ESRRB: variants seen among roughly 807,000 people sequenced by gnomAD.
The protein encoded by ESRRB is steroid hormone receptor ERR2.
A neutral mutation model predicts 46.0 loss-of-function variants in ESRRB; 16 were observed. That is an observed-to-expected ratio of 0.35 (90% confidence interval 0.24 to 0.53). The LOEUF (loss-of-function observed/expected upper bound fraction) is 0.53, where lower values mean the gene tolerates loss of function less well. ESRRB is among the 20% of genes least tolerant of loss of function. The probability of loss-of-function intolerance (pLI) is 0.93; values close to 1 mark genes in which losing one functional copy is unlikely to be tolerated. For missense variants in ESRRB, 488 were observed against 607.4 expected (o/e 0.80, Z 2.07); for synonymous variants, 246 against 259.6 (o/e 0.95, Z 0.50).
At chr14:76,491,325 G>T in intron 5 of ESRRB, 122 bp from the exon 6 acceptor site, 1 of 916,574 alleles carries the variant, frequency 1.1e-6, no homozygotes, top group East Asian at 2.6e-5. Context: ...CAGGATCCAG[G>T]GGTGCCAGGG....
chr14:76,376,743 G>T lies in ESRRB; in HGVS notation c.50+292G>T, dbSNP rs1273233326. Among the ~76,000 whole-genome samples the T allele has an allele frequency of 6.6e-6, 1 of 152,122 alleles. No homozygotes were observed. The highest frequency in any genetic ancestry group is 1.5e-5 in the Non-Finnish European group (1 of 68,020). ...TCTCTCCTCTCTGATCTTGCTCCGG[G>T]GTGAGAAAATATTTGAGTTTTTGTG... On this transcript the variant is annotated intron_variant, in intron 1 of 6. Coordinates refer to ENST00000644823, the MANE Select transcript of ESRRB (RefSeq NM_001379180.1). The surrounding 1 kb of genome is among the most constrained non-coding windows in gnomAD (Gnocchi z 4.1).
intron 6 of ESRRB, among the ~76,000 whole-genome samples, chr14:76,496,722 G>A (rs902622150): frequency 3.3e-5 from 5 of 152,206 alleles, no homozygotes; most frequent in Admixed American, 6.5e-5. Flanking sequence ...GGGTGCCACT[G>A]CTGAGGCTCA....
chr14:76,429,849 A>ATGTGTG (rs58340334), intron 1 of ESRRB, among the ~76,000 whole-genome samples: 26 of 150,294 alleles, frequency 1.7e-4, no homozygotes, highest in Non-Finnish European at 2.8e-4. Flanking sequence ...TTTAAGTTTT[A>ATGTGTG]TGTGTGTGTG....
chr14:76,495,756 A>T (rs945681683), intron 6 of ESRRB, among the ~76,000 whole-genome samples: 1 of 152,166 alleles, frequency 6.6e-6, no homozygotes, highest in Non-Finnish European at 1.5e-5. Context: ...ATAAATTATT[A>T]AAAAAATGAA....
rs1207603998 is a variant in ESRRB at position 76,439,470 on chromosome 14, C to T, written c.180C>T (p.Ser60=). 2.5e-6 allele frequency: 4 copies of T among 1,612,382 alleles called. No individual in the cohort carries two copies. The highest frequency in any genetic ancestry group is 1.3e-5 in the African/African-American group (1 of 74,942). ...ALSHHSPSGS[S]DASGGFGLAL... ...GCCACCACAGCCCCAGTGGCTCGTCCGACGCCAGCGGCGGCTTTGGCCTGG... is the reference window on the plus strand; with the variant it reads ...GCCACCACAGCCCCAGTGGCTCGTCTGACGCCAGCGGCGGCTTTGGCCTGG... The change falls in exon 2 of 7, where the codon TCC becomes TCT. Residue 60 remains serine, a synonymous_variant. Transcript: ENST00000644823.
At position 76,482,614 on chromosome 14, in the gene ESRRB, A is replaced by AT; in HGVS notation, c.706dup (p.Tyr236LeufsTer6). 1 of 1,613,958 alleles carries AT rather than the reference A, an allele frequency of 6.2e-7. No individual in the cohort carries two copies. The highest frequency in any genetic ancestry group is 8.5e-7 in the Non-Finnish European group (1 of 1,179,938). On this transcript the variant is annotated frameshift_variant, in exon 5 of 7. Coordinates refer to ENST00000644823, the MANE Select transcript of ESRRB (RefSeq NM_001379180.1). LOFTEE classifies it high-confidence loss of function. The surrounding 1 kb of genome is among the most constrained non-coding windows in gnomAD (Gnocchi z 4.3). ...TTGTTGCAGTGACCAAGATTGTCTC[A>AT]TACCTACTGGTGGCTGAGCCGGACA... is the stretch of plus-strand genomic sequence containing the variant.
At chr14:76,433,373 G>T (rs1436411110) in intron 1 of ESRRB, among the ~76,000 whole-genome samples, 1 of 152,172 alleles carries the variant, frequency 6.6e-6, no homozygotes, top group Non-Finnish European at 1.5e-5. Context: ...GGCGGTGATG[G>T]TAATGACACT....
At chr14:76,474,933 AAAAG>A (rs1889516350) in intron 3 of ESRRB, among the ~76,000 whole-genome samples, 3 of 151,902 alleles carry the variant, frequency 2.0e-5, no homozygotes, top group Admixed American at 1.3e-4. Flanking sequence ...ACCAAAAAAA[AAAAG>A]AAAGGAGGGG....
At chr14:76,346,877 T>C (rs1884257238) in intron 1 of ESRRB, among the ~76,000 whole-genome samples, 2 of 152,232 alleles carry the variant, frequency 1.3e-5, no homozygotes, top group South Asian at 4.1e-4. Context: ...CCACATGCTA[T>C]AGATTTCCTG....
At chr14:76,392,786 G>A (rs1266564359) in intron 1 of ESRRB, among the ~76,000 whole-genome samples, 1 of 152,222 alleles carries the variant, frequency 6.6e-6, no homozygotes, top group African/African-American at 2.4e-5. Context: ...GCCAGTGTTG[G>A]GATCTGTTCA....
At chr14:76,332,577 A>AT (rs56299448) in intron 1 of ESRRB, among the ~76,000 whole-genome samples, 1 of 29,610 alleles carries the variant, frequency 3.4e-5, no homozygotes, top group Non-Finnish European at 6.5e-5. Flanking sequence ...ATATTTATAT[A>AT]TTATATATTT....
chr14:76,407,677 G>A (rs1240209085), intron 1 of ESRRB: 3 of 779,190 alleles, frequency 3.9e-6, no homozygotes, highest in African/African-American at 3.8e-5. Flanking sequence ...GAGCATTGAT[G>A]CAGACCATGC....
chr14:76,357,059 T>C (rs1313097387), intron 1 of ESRRB, among the ~76,000 whole-genome samples: 1 of 152,154 alleles, frequency 6.6e-6, no homozygotes, highest in East Asian at 1.9e-4. Flanking sequence ...TGCCAAGCTA[T>C]AGCCCAGCTA....
upstream of ESRRB, among the ~76,000 whole-genome samples, chr14:76,372,616 G>A (rs1884652305): frequency 1.3e-5 from 2 of 152,068 alleles, no homozygotes; most frequent in Admixed American, 6.5e-5. Context: ...CAGATCACAA[G>A]AGGCAAGGAG....
At chr14:76,374,643 G>A (rs542566858), upstream of ESRRB, among the ~76,000 whole-genome samples, 20 of 152,278 alleles carry the variant, frequency 1.3e-4, no homozygotes, top group Admixed American at 6.5e-4. Flanking sequence ...GAGAGATGAT[G>A]GTCATATAGA....
chr14:76,438,966 ATT>A (rs34310817), intron 1 of ESRRB, among the ~76,000 whole-genome samples: 36 of 147,026 alleles, frequency 2.4e-4, no homozygotes, highest in African/African-American at 3.2e-4. Flanking sequence ...TGCCAGGCTA[ATT>A]TTTTTTTTTT....
chr14:76,358,646 T>C (rs1279121933), intron 1 of ESRRB, among the ~76,000 whole-genome samples: 1 of 152,218 alleles, frequency 6.6e-6, no homozygotes, highest in Non-Finnish European at 1.5e-5. Context: ...AAGTAAGACA[T>C]GGTGATCACC....
chr14:76,327,140 T>C (rs1234000453), intron 1 of ESRRB, among the ~76,000 whole-genome samples: 2 of 152,236 alleles, frequency 1.3e-5, no homozygotes, highest in Non-Finnish European at 2.9e-5. Flanking sequence ...TTGCCCAGCC[T>C]GTGCCAATGG....
Position 76,501,781 on chromosome 14 carries a change from C to G in ESRRB, c.*3323C>G, listed in dbSNP as rs1890667696. On this transcript the variant is annotated 3_prime_UTR_variant, in exon 7 of 7. Coordinates refer to ENST00000644823, the MANE Select transcript of ESRRB (RefSeq NM_001379180.1). ...GAAACCCCCATGTAAATCAAATGCC[C>G]TAGGATGCTTCCATCCTGGTCCCAT... The G allele has an allele frequency of 6.6e-6, 1 of 152,180 alleles. No individual in the cohort carries two copies. Among genetic ancestry groups the G allele is most frequent in the South Asian group, 2.1e-4 (1 of 4,828 alleles). The allele number at this position is 152,180 out of a possible 1,614,324, so 9.4% of individuals were successfully genotyped here. A position where few individuals can be genotyped will look rare whatever the true frequency, so the allele number is the denominator to read the frequency against.
Sources: gnomAD v4.1 joint callset for allele counts (sites outside exome capture counted in the v4.1 genomes callset) on GRCh38, gnomAD v4.1.1 for gene constraint, Gnocchi (gnomAD v3.1) non-coding constraint, MANE v1.5 for transcripts, NCBI Gene and HGNC (gene_info 2026-07-23, HGNC 2026-07-21) for gene names.